TMEM72: variants seen among roughly 807,000 people sequenced by gnomAD.
The protein encoded by TMEM72 is kidney-specific secretory protein of 37 kDa.
A neutral mutation model predicts 16.3 loss-of-function variants in TMEM72; 9 were observed. The ratio of observed to expected loss-of-function variants is 0.55; its 90% confidence interval spans 0.33 to 0.96. TMEM72 has a LOEUF of 0.96. Among genes scored for constraint, TMEM72 ranks in the 40% least tolerant of loss-of-function variants. TMEM72 has a pLI of 0.03. For missense variants in TMEM72, 324 were observed against 337.8 expected (o/e 0.96, Z 0.32); for synonymous variants, 160 against 146.5 (o/e 1.09, Z -0.66).
At chr10:44,914,663 A>C (rs1839987865) in intron 1 of TMEM72, among the ~76,000 whole-genome samples, 1 of 152,170 alleles carries the variant, frequency 6.6e-6, no homozygotes, top group East Asian at 1.9e-4. Context: ...CCTGAGTGTG[A>C]GACTCAGGCC....
rs140679942 is a variant in TMEM72, at chr10:44,934,727, G to A, written c.421G>A (p.Glu141Lys). The stretch of plus-strand genomic sequence containing the variant: ...GCGGAAGAAGAGGAAAGCTGCCCCC[G>A]AGGTGCTGGCCTCCCCAGAGCAGTA... ...SKRKKRKAAPEVLASPEQYTD... is the reference protein window; with the variant it reads ...SKRKKRKAAPKVLASPEQYTD... Residue 141 changes from glutamate to lysine, a missense_variant, in exon 5 of 5, where the codon GAG (glutamate) becomes AAG (lysine). Glu to Lys is a moderately conservative substitution (Grantham distance 56, BLOSUM62 1). Coordinates refer to ENST00000389583, the MANE Select transcript of TMEM72 (RefSeq NM_001123376.3). The A allele has an allele frequency of 3.1e-4, 502 of 1,611,750 alleles. 1 individual carries two copies. The South Asian group carries it at 3.4e-3, about 11-fold the overall frequency.
intron 1 of TMEM72, among the ~76,000 whole-genome samples, chr10:44,918,852 A>G (rs911582754): frequency 6.6e-6 from 1 of 151,948 alleles, no homozygotes; most frequent in East Asian, 1.9e-4. Flanking sequence ...CTATCATACA[A>G]TGTGCGGTAA....
intron 1 of TMEM72, among the ~76,000 whole-genome samples, chr10:44,919,219 G>A (rs1840056215): frequency 6.6e-6 from 1 of 152,144 alleles, no homozygotes; most frequent in African/African-American, 2.4e-5. Context: ...AAAAGACCAG[G>A]TGCTTCCTCC....
rs759237848 is a variant in TMEM72 at position 44,927,935 on chromosome 10, G to A, written c.85G>A (p.Gly29Ser). The change falls in exon 2 of 5, where the codon GGC (glycine) becomes AGC (serine). Residue 29 changes from glycine to serine, a missense_variant. Coordinates refer to ENST00000389583, the MANE Select transcript of TMEM72 (RefSeq NM_001123376.3). ...TTGCCCCTTAGTGTTGATCGGCGTG[G>A]GCACTGAGACCTTCCTCCAGGGCCA... Reference protein sequence around the residue: ...ITTAAVLIGVGTETFLQGQFK... With the variant: ...ITTAAVLIGVSTETFLQGQFK... 1.2e-6 allele frequency: 2 copies of A among 1,613,850 alleles called. No individual in the cohort carries two copies. The highest frequency in any genetic ancestry group is 1.7e-6 in the Non-Finnish European group (2 of 1,179,970).
rs773458585 is a variant in TMEM72, at chr10:44,934,906, GCCC to G, written c.604_606del (p.Pro202del). Reference sequence around the variant, plus strand: ...GGACTAAGAAGCCCAGTGCCCTCCAGCCCCCCAACACCCTGATGGAGCTGAGCC... The same window carrying G: ...GGACTAAGAAGCCCAGTGCCCTCCAGCCCAACACCCTGATGGAGCTGAGCC... On this transcript the variant is annotated inframe_deletion, in exon 5 of 5. Coordinates refer to ENST00000389583, the MANE Select transcript of TMEM72 (RefSeq NM_001123376.3). The G allele has an allele frequency of 1.9e-6, 3 of 1,613,410 alleles. No individual in the cohort carries two copies. In the East Asian group the frequency reaches 6.7e-5, roughly 36 times the overall value.
At chr10:44,933,920 T>C in intron 4 of TMEM72, 144 bp downstream of exon 4, 1 of 1,069,812 alleles carries the variant, frequency 9.3e-7, no homozygotes, top group Non-Finnish European at 1.3e-6. Flanking sequence ...AGGGTGGACA[T>C]GAGGAATCAT....
intron 4 of TMEM72, among the ~76,000 whole-genome samples, chr10:44,934,367 C>G (rs1325378308): frequency 6.6e-6 from 1 of 152,188 alleles, no homozygotes. Flanking sequence ...GTGCCCCCTC[C>G]TCATGAACCC....
rs1554801262 is a variant in TMEM72, at chr10:44,927,906, T to C, written c.71-15T>C. On this transcript the variant is annotated splice_polypyrimidine_tract_variant and intron_variant, in intron 1 of 4. Transcript: ENST00000389583. ...GAGCACCAGGCCCACTCTTCCTTCT[T>C]CTCTTGCCCCTTAGTGTTGATCGGC... 1 of 1,613,614 alleles carries C rather than the reference T, an allele frequency of 6.2e-7. No homozygotes were observed. The highest frequency in any genetic ancestry group is 1.1e-5 in the South Asian group (1 of 91,062).
At chr10:44,933,905 CCT>C in intron 4 of TMEM72, 129 bp downstream of exon 4, 1 of 1,194,070 alleles carries the variant, frequency 8.4e-7, no homozygotes, top group Non-Finnish European at 1.1e-6. Context: ...CCCTCTCTGA[CCT>C]AGAGGGTGGA....
At position 44,934,676 on chromosome 10, in the gene TMEM72, G is replaced by A. The variant is rs201346225; in HGVS notation, c.370G>A (p.Gly124Ser). Residue 124 changes from glycine to serine, a missense_variant, in exon 5 of 5, where the codon GGC (glycine) becomes AGC (serine). Coordinates refer to ENST00000389583, the MANE Select transcript of TMEM72 (RefSeq NM_001123376.3). ...TIPGSMLIIT[G>S]LAYFLLSKRK... is the part of the protein sequence containing the mutation. Reference sequence around the variant, plus strand: ...TCCAGGCTCCATGCTCATCATCACCGGCCTGGCCTACTTCCTTCTGAGCAA... The same window carrying A: ...TCCAGGCTCCATGCTCATCATCACCAGCCTGGCCTACTTCCTTCTGAGCAA... 5.6e-5 allele frequency: 89 copies of A among 1,593,416 alleles called. No individual in the cohort carries two copies. Among genetic ancestry groups the A allele is most frequent in the East Asian group, 5.2e-4 (23 of 44,588 alleles).
At chr10:44,927,317 C>T (rs990179393) in intron 1 of TMEM72, among the ~76,000 whole-genome samples, 1 of 152,070 alleles carries the variant, frequency 6.6e-6, no homozygotes, top group African/African-American at 2.4e-5. Context: ...ATGAAATTCA[C>T]CTATGACAGA....
intron 1 of TMEM72, among the ~76,000 whole-genome samples, chr10:44,918,895 T>G (rs1840051010): frequency 6.6e-6 from 1 of 151,406 alleles, no homozygotes; most frequent in Non-Finnish European, 1.5e-5. Flanking sequence ...AAGGAAGGGG[T>G]CCCTCAGATA....
intron 1 of TMEM72, among the ~76,000 whole-genome samples, chr10:44,912,809 G>A (rs1372045224): frequency 6.6e-6 from 1 of 152,220 alleles, no homozygotes. Context: ...GAGCTGGCCA[G>A]TGGGCTCTTC....
In TMEM72 at chr10:44,934,840, G is replaced by A. The variant is rs1274036345; in HGVS notation, c.534G>A (p.Gly178=). The A allele has an allele frequency of 3.7e-6, 6 of 1,613,518 alleles. No individual in the cohort carries two copies. Among genetic ancestry groups the A allele is most frequent in the Non-Finnish European group, 5.1e-6 (6 of 1,179,954 alleles). ...CTTTCCATGGGGCCCTCAAGGAGGGGCCCAGCTCCCTTTTCATCCACATGA... is the reference window on the plus strand; with the variant it reads ...CTTTCCATGGGGCCCTCAAGGAGGGACCCAGCTCCCTTTTCATCCACATGA... ...TYTFHGALKE[G]PSSLFIHMKS... Residue 178 remains glycine (G), a synonymous_variant, in exon 5 of 5, where the codon GGG becomes GGA. Transcript: ENST00000389583.
intron 1 of TMEM72, among the ~76,000 whole-genome samples, chr10:44,919,672 CA>C (rs1229091291): frequency 1.3e-5 from 2 of 152,142 alleles, no homozygotes; most frequent in Non-Finnish European, 2.9e-5. Context: ...GTTGATGGGT[CA>C]GAAGGCTCAA....
chr10:44,933,905 C>A, intron 4 of TMEM72, 129 bp downstream of exon 4: 1 of 1,194,070 alleles, frequency 8.4e-7, no homozygotes, highest in Non-Finnish European at 1.1e-6. Context: ...CCCTCTCTGA[C>A]CTAGAGGGTG....
At chr10:44,917,163 G>C (rs1286979760) in intron 1 of TMEM72, among the ~76,000 whole-genome samples, 1 of 152,176 alleles carries the variant, frequency 6.6e-6, no homozygotes, top group Non-Finnish European at 1.5e-5. Context: ...CTGCAGCGTA[G>C]TGTTTGGGAG....
In TMEM72 at chr10:44,934,801, A is replaced by G. The variant is rs753105163; in HGVS notation, c.495A>G (p.Thr165=). The G allele has an allele frequency of 5.6e-6, 9 of 1,613,534 alleles. No homozygotes were observed. In the African/African-American group the frequency reaches 6.7e-5, roughly 12 times the overall value. The stretch of plus-strand genomic sequence containing the variant: ...TGAGCACCACCGGCTCTGGGGACAC[A>G]GAGCAAACCTACACTTTCCATGGGG... The part of the protein sequence containing the change: ...SAVSTTGSGD[T]EQTYTFHGAL... The change falls in exon 5 of 5, where the codon ACA becomes ACG. Residue 165 remains threonine (T), a synonymous_variant. Transcript: ENST00000389583.
intron 1 of TMEM72, among the ~76,000 whole-genome samples, chr10:44,914,770 G>T (rs376715978): frequency 1.3e-5 from 2 of 152,188 alleles, no homozygotes; most frequent in African/African-American, 2.4e-5. Context: ...GGAGCACAGC[G>T]GTCCAGGGCA....
Sources: gnomAD v4.1 joint callset for allele counts (sites outside exome capture counted in the v4.1 genomes callset) on GRCh38, gnomAD v4.1.1 for gene constraint, MANE v1.5 for transcripts, NCBI Gene and HGNC (gene_info 2026-07-23, HGNC 2026-07-21) for gene names.